RAF1: variants seen among roughly 807,000 people sequenced by gnomAD.
The protein encoded by RAF1 is RAF proto-oncogene serine/threonine-protein kinase.
RAF1 carries 27 observed loss-of-function variants against 81.1 expected under a neutral mutation model. That is an observed-to-expected ratio of 0.33 (90% confidence interval 0.25 to 0.46). The LOEUF (loss-of-function observed/expected upper bound fraction) is 0.46, where lower values mean the gene tolerates loss of function less well. RAF1 is among the 20% of genes least tolerant of loss of function. The pLI is 1.00. For missense variants in RAF1, 598 were observed against 826.0 expected (o/e 0.72, Z 3.38); for synonymous variants, 298 against 294.0 (o/e 1.01, Z -0.14).
In RAF1 at chr3:12,584,881, T is replaced by C; in HGVS notation, c.1829A>G (p.Lys610Arg). Residue 610 changes from lysine to arginine, a missense_variant, in exon 17 of 18, where the codon AAG becomes AGG. Around this residue, in one of 5 missense-constraint regions of RAF1, gnomAD observed 147 missense variants for 196.1 expected, o/e 0.75. Transcript: ENST00000442415. ...AAGAGGCCTCTCTTCCTTTACTTTCTTCACACAGTCAGCTACCAGCCTCTT... is the reference window on the plus strand; with the variant it reads ...AAGAGGCCTCTCTTCCTTTACTTTCCTCACACAGTCAGCTACCAGCCTCTT... The C allele has an allele frequency of 6.2e-7, 1 of 1,614,200 alleles. No homozygotes were observed. Among genetic ancestry groups the C allele is most frequent in the Non-Finnish European group, 8.5e-7 (1 of 1,180,032 alleles).
rs1254117396 is a variant in RAF1, at chr3:12,642,739, G to T, written c.-27+21074C>A. Among the ~76,000 whole-genome samples the T allele has an allele frequency of 2.7e-5, 4 of 147,668 alleles. No individual in the cohort carries two copies. The Admixed American group carries it at 2.7e-4, about 10-fold the overall frequency. On this transcript the variant is annotated intron_variant, in intron 1 of 17. Coordinates refer to ENST00000442415, the MANE Select transcript of RAF1 (RefSeq NM_001354689.3). Reference sequence around the variant, plus strand: ...ACACACAAAATAGCTGCGTATGGTGGCATGGGCCTGTAGTCCCAGCTATTG... The same window carrying T: ...ACACACAAAATAGCTGCGTATGGTGTCATGGGCCTGTAGTCCCAGCTATTG...
rs774061937 is a variant in RAF1, at chr3:12,604,260, G to C, written c.710C>G (p.Ala237Gly). The C allele has an allele frequency of 1.2e-6, 2 of 1,614,180 alleles. No homozygotes were observed. The highest frequency in any genetic ancestry group is 1.7e-6 in the Non-Finnish European group (2 of 1,180,030). Residue 237 changes from alanine to glycine, a missense_variant, in exon 7 of 18, where the codon GCC becomes GGC. By Grantham distance (60) the Ala-to-Gly change is moderately conservative (BLOSUM62 0). Transcript: ENST00000442415. ...GGGACTGGAGGTGTTAAAGGTGAAGGCGTGAGGTGTAGAATATCTGTGCTG... is the reference window on the plus strand; with the variant it reads ...GGGACTGGAGGTGTTAAAGGTGAAGCCGTGAGGTGTAGAATATCTGTGCTG...
intron 1 of RAF1, among the ~76,000 whole-genome samples, chr3:12,633,934 C>CAAAA (rs35322613): frequency 1.5e-4 from 14 of 95,530 alleles, no homozygotes; most frequent in South Asian, 4.1e-4. Context: ...AAAACTCTCT[C>CAAAA]AAAAAAAAAA....
chr3:12,635,496 T>A (rs1329903788), intron 1 of RAF1, among the ~76,000 whole-genome samples: 2 of 149,358 alleles, frequency 1.3e-5, no homozygotes, highest in African/African-American at 5.0e-5. Context: ...ATTAGCCCGG[T>A]GTGGTGGAAC....
intron 1 of RAF1, among the ~76,000 whole-genome samples, chr3:12,660,001 A>T (rs940800522): frequency 1.8e-4 from 27 of 152,226 alleles, no homozygotes; most frequent in African/African-American, 6.5e-4. Context: ...TACCTGAAAT[A>T]GTAGTTTAAA....
At chr3:12,645,268 G>C (rs184210503) in intron 1 of RAF1, among the ~76,000 whole-genome samples, 1 of 152,038 alleles carries the variant, frequency 6.6e-6, no homozygotes, top group African/African-American at 2.4e-5. Flanking sequence ...ACTTAGTCAA[G>C]AGAACTCAGA....
At chr3:12,620,088 A>C (rs542575420) in intron 1 of RAF1, among the ~76,000 whole-genome samples, 21 of 151,888 alleles carry the variant, frequency 1.4e-4, no homozygotes, top group South Asian at 8.3e-4. Context: ...TCTCAAAAAA[A>C]ATAATAATAA....
At chr3:12,596,737 C>T (rs1405421868) in intron 11 of RAF1, among the ~76,000 whole-genome samples, 1 of 152,036 alleles carries the variant, frequency 6.6e-6, no homozygotes, top group Admixed American at 6.6e-5. Flanking sequence ...CAGAATATGG[C>T]GGAAAAAAGT....
chr3:12,650,686 C>T (rs907056579), intron 1 of RAF1, among the ~76,000 whole-genome samples: 1 of 152,160 alleles, frequency 6.6e-6, no homozygotes, highest in African/African-American at 2.4e-5. Context: ...AGACATGGTC[C>T]TTGCATTTCA....
intron 2 of RAF1, among the ~76,000 whole-genome samples, chr3:12,617,477 T>C (rs2059405533): frequency 6.6e-6 from 1 of 152,152 alleles, no homozygotes; most frequent in Admixed American, 6.6e-5. Flanking sequence ...GGTCTCGAAC[T>C]CCTGAGCTCA....
chr3:12,660,240 C>T (rs950318142), intron 1 of RAF1, among the ~76,000 whole-genome samples: 3 of 152,026 alleles, frequency 2.0e-5, no homozygotes, highest in Non-Finnish European at 4.4e-5. Context: ...ATCTGCTTCT[C>T]ACTGTTTTTT....
At chr3:12,630,682 G>A (rs2125495698) in intron 1 of RAF1, among the ~76,000 whole-genome samples, 1 of 152,276 alleles carries the variant, frequency 6.6e-6, no homozygotes, top group South Asian at 2.1e-4. Flanking sequence ...TAGGGGAGCA[G>A]GGACAATGTG....
intron 5 of RAF1, among the ~76,000 whole-genome samples, chr3:12,606,633 C>T (rs557160437): frequency 6.6e-6 from 1 of 152,114 alleles, no homozygotes; most frequent in South Asian, 2.1e-4. Context: ...CTCCACCTCC[C>T]GGGTTCTCCT....
intron 11 of RAF1, among the ~76,000 whole-genome samples, chr3:12,595,759 G>T (rs1044393631): frequency 7.2e-5 from 11 of 151,768 alleles, no homozygotes; most frequent in African/African-American, 2.7e-4. Context: ...TAAAAACATT[G>T]AACTGGGACT....
At chr3:12,618,456 C>A in intron 2 of RAF1, 59 bp downstream of exon 2, 3 of 1,562,502 alleles carry the variant, frequency 1.9e-6, no homozygotes, top group Non-Finnish European at 2.6e-6. Flanking sequence ...GAACATGATC[C>A]TTAATGTGCT....
At chr3:12,626,244 CAAAAAAAA>C (rs201895405) in intron 1 of RAF1, among the ~76,000 whole-genome samples, 1 of 104,242 alleles carries the variant, frequency 9.6e-6, no homozygotes, top group Non-Finnish European at 1.9e-5. Flanking sequence ...AACTCTGTCT[CAAAAAAAA>C]AAAAAAAAAG....
At chr3:12,645,931 G>C (rs2060335918) in intron 1 of RAF1, among the ~76,000 whole-genome samples, 1 of 151,908 alleles carries the variant, frequency 6.6e-6, no homozygotes, top group African/African-American at 2.4e-5. Context: ...ACCTCTGTGT[G>C]GAGGAAAGAA....
At chr3:12,597,986 C>T (rs2058735642) in intron 11 of RAF1, among the ~76,000 whole-genome samples, 1 of 143,226 alleles carries the variant, frequency 7.0e-6, no homozygotes, top group Admixed American at 7.5e-5. Flanking sequence ...CCCAGTAGTA[C>T]ATACTAGATG....
chr3:12,623,378 C>A (rs1047041019), intron 1 of RAF1, among the ~76,000 whole-genome samples: 1 of 152,198 alleles, frequency 6.6e-6, no homozygotes, highest in Admixed American at 6.5e-5. Flanking sequence ...GAATATACTG[C>A]AATAACTTTT....
Sources: allele counts gnomAD v4.1 joint callset (sites outside exome capture counted in the v4.1 genomes callset), GRCh38; gene constraint gnomAD v4.1.1; regional missense constraint gnomAD v4.1.1; transcripts MANE v1.5; gene names NCBI Gene and HGNC (gene_info 2026-07-23, HGNC 2026-07-21).